JARID2: variants seen among roughly 807,000 people sequenced by gnomAD.
JARID2 encodes protein Jumonji.
JARID2 carries 21 observed loss-of-function variants against 125.6 expected under a neutral mutation model. The observed-to-expected ratio is 0.17, with a 90% CI of 0.12 to 0.24. The LOEUF (loss-of-function observed/expected upper bound fraction) is 0.24. Among genes scored for constraint, JARID2 ranks in the 10% least tolerant of loss-of-function variants. JARID2 has a pLI of 1.00. For synonymous variants in JARID2, 736 were observed against 661.6 expected, an observed-to-expected ratio of 1.11 and a Z score of -1.73; for missense variants, 1,303 against 1,639.6, an observed-to-expected ratio of 0.79 and a Z score of 3.55.
intron 1 of JARID2, among the ~76,000 whole-genome samples, chr6:15,293,168 T>C (rs1053802332): frequency 2.0e-5 from 3 of 152,240 alleles, no homozygotes; most frequent in Non-Finnish European, 4.4e-5. Flanking sequence ...GTGACGCTTA[T>C]GCCAAGTTGC....
At chr6:15,404,785 C>T (rs563728949) in intron 2 of JARID2, among the ~76,000 whole-genome samples, 1 of 152,334 alleles carries the variant, frequency 6.6e-6, no homozygotes, top group South Asian at 2.1e-4. Context: ...TTTAGAAGCC[C>T]TGGAACAGCC....
At chr6:15,401,837 T>C (rs1765447682) in intron 2 of JARID2, among the ~76,000 whole-genome samples, 1 of 151,912 alleles carries the variant, frequency 6.6e-6, no homozygotes, top group African/African-American at 2.4e-5. Flanking sequence ...TATATTTCAG[T>C]AGTGGAAAGA....
intron 3 of JARID2, among the ~76,000 whole-genome samples, chr6:15,433,408 CTCTG>C (rs758229451): frequency 2.1e-4 from 20 of 93,508 alleles, no homozygotes; most frequent in African/African-American, 7.3e-4. Context: ...CCCCATGTCT[CTCTG>C]TGTGTGTGTG....
chr6:15,504,363 GTCA>G, intron 8 of JARID2, 134 bp from the exon 9 acceptor site: 1 of 651,290 alleles, frequency 1.5e-6, no homozygotes, highest in Admixed American at 2.4e-5. Context: ...TTCTCTGCCT[GTCA>G]TTAACTCAGA....
At chr6:15,329,864 T>G (rs1281489997) in intron 1 of JARID2, among the ~76,000 whole-genome samples, 1 of 152,242 alleles carries the variant, frequency 6.6e-6, no homozygotes, top group Non-Finnish European at 1.5e-5. Context: ...GTGACTTTTG[T>G]TGTTTTGTAG....
At chr6:15,421,856 A>T (rs1404985749) in intron 3 of JARID2, among the ~76,000 whole-genome samples, 1 of 152,084 alleles carries the variant, frequency 6.6e-6, no homozygotes, top group Non-Finnish European at 1.5e-5. Context: ...GTGCAGTTTG[A>T]ACTGGGGTCT....
intron 6 of JARID2, among the ~76,000 whole-genome samples, chr6:15,490,550 C>T (rs1209651016): frequency 2.0e-5 from 3 of 152,192 alleles, no homozygotes; most frequent in African/African-American, 7.2e-5. Context: ...GCTCTGGCCC[C>T]GGCCGTTTAC....
chr6:15,472,585 G>T (rs77777716), intron 5 of JARID2, among the ~76,000 whole-genome samples: 6,245 of 152,260 alleles, frequency 0.041, 136 homozygotes, highest in African/African-American at 0.058. Flanking sequence ...CAACCCAGCA[G>T]AGTCCCAGAA....
chr6:15,421,864 T>G (rs894353295), intron 3 of JARID2, among the ~76,000 whole-genome samples: 26 of 152,246 alleles, frequency 1.7e-4, no homozygotes, highest in African/African-American at 4.6e-4. Context: ...TGAACTGGGG[T>G]CTGGCCTGGT....
At chr6:15,471,214 G>C (rs1343981705) in intron 5 of JARID2, among the ~76,000 whole-genome samples, 1 of 152,186 alleles carries the variant, frequency 6.6e-6, no homozygotes, top group African/African-American at 2.4e-5. Context: ...AGTTTGTGTT[G>C]ATGGTGAGAG....
chr6:15,290,704 C>T (rs1326390097), intron 1 of JARID2, among the ~76,000 whole-genome samples: 2 of 152,260 alleles, frequency 1.3e-5, no homozygotes, highest in Non-Finnish European at 2.9e-5. Flanking sequence ...CTGCAAGCTC[C>T]ACCTCCCGGG....
At position 15,433,997 on chromosome 6, in the gene JARID2, T is replaced by C. The variant is rs117094143; in HGVS notation, c.324-18009T>C. Among the ~76,000 whole-genome samples the C allele has an allele frequency of 4.0e-5, 6 of 151,044 alleles. No homozygotes were observed. The East Asian group carries it at 1.2e-3, about 30-fold the overall frequency. On this transcript the variant is annotated intron_variant, in intron 3 of 17. Transcript: ENST00000341776. The stretch of plus-strand genomic sequence containing the variant: ...CAGGAGTAGAATAGGGTTGAGAATA[T>C]GTATGTGCCAGTGTACTTTACTTTC...
intron 1 of JARID2, among the ~76,000 whole-genome samples, chr6:15,250,434 C>T (rs1433425982): frequency 1.3e-5 from 2 of 151,794 alleles, no homozygotes; most frequent in South Asian, 2.1e-4. Flanking sequence ...TTTTTCTTTC[C>T]TGGGATGTTT....
chr6:15,470,622 G>A (rs1769028695), intron 5 of JARID2, among the ~76,000 whole-genome samples: 1 of 152,152 alleles, frequency 6.6e-6, no homozygotes. Flanking sequence ...TCTCTTTTTA[G>A]GTTCTTGTGG....
chr6:15,447,750 C>A (rs1412274148), intron 3 of JARID2, among the ~76,000 whole-genome samples: 1 of 152,242 alleles, frequency 6.6e-6, no homozygotes, highest in African/African-American at 2.4e-5. Flanking sequence ...GCCGCCTCCC[C>A]TGGAGGGCTG....
At position 15,406,097 on chromosome 6, in the gene JARID2, C is replaced by T. The variant is rs145650734; in HGVS notation, c.182-4127C>T. ...GTACTCACATTGAAAAAGTTGATCACGTGCAGAATAAAGTCAGTCTTGCGC... is the reference window on the plus strand; with the variant it reads ...GTACTCACATTGAAAAAGTTGATCATGTGCAGAATAAAGTCAGTCTTGCGC... On this transcript the variant is annotated intron_variant, in intron 2 of 17. Transcript: ENST00000341776. Among the ~76,000 whole-genome samples the T allele has an allele frequency of 3.1e-3, 473 of 152,286 alleles. 1 individual carries two copies. The highest frequency in any genetic ancestry group is 0.011 in the African/African-American group (454 of 41,560).
chr6:15,429,876 C>T (rs578021564), intron 3 of JARID2, among the ~76,000 whole-genome samples: 2 of 152,012 alleles, frequency 1.3e-5, no homozygotes, highest in African/African-American at 2.4e-5. Flanking sequence ...CAAAATGTAC[C>T]GTGTAAATTT....
intron 3 of JARID2, among the ~76,000 whole-genome samples, chr6:15,425,168 A>G (rs1396337482): frequency 6.6e-6 from 1 of 152,178 alleles, no homozygotes; most frequent in Non-Finnish European, 1.5e-5. Context: ...ACAAACAGAG[A>G]ATAGTATAGT....
chr6:15,501,525 G>GGA, intron 8 of JARID2, 116 bp downstream of exon 8: 1 of 745,242 alleles, frequency 1.3e-6, no homozygotes, highest in Non-Finnish European at 2.0e-6. Flanking sequence ...GGGGTGATGA[G>GGA]GGGGCGGGCC....
Sources: allele counts gnomAD v4.1 joint callset (sites outside exome capture counted in the v4.1 genomes callset), GRCh38; gene constraint gnomAD v4.1.1; transcripts MANE v1.5; gene names NCBI Gene and HGNC (gene_info 2026-07-23, HGNC 2026-07-21).